DYNC2H1: variants seen among roughly 807,000 people sequenced by gnomAD.
DYNC2H1 encodes cytoplasmic dynein 2 heavy chain 1.
A neutral mutation model predicts 570.0 loss-of-function variants in DYNC2H1; 410 were observed. The ratio of observed to expected loss-of-function variants is 0.72; its 90% CI spans 0.66 to 0.78. The LOEUF is 0.78. DYNC2H1 is among the 30% of genes least tolerant of loss of function. The probability of loss-of-function intolerance (pLI) is 0.00; values close to 1 mark genes in which losing one functional copy is unlikely to be tolerated. For missense variants in DYNC2H1, 4,865 were observed against 5,046.4 expected (o/e 0.96, Z 1.09); for synonymous variants, 1,688 against 1,677.6 (o/e 1.01, Z -0.15).
Position 103,399,724 on chromosome 11 carries a change from T to C in DYNC2H1, c.12218T>C (p.Leu4073Pro), listed in dbSNP as rs537499583. 83 of 1,613,908 alleles carry C rather than the reference T, an allele frequency of 5.1e-5. 1 individual carries two copies. The South Asian group carries it at 8.5e-4, about 16-fold the overall frequency. ...PPNDRQGSPI[L>P]SFIILEQFNA... ...AACGATCGACAAGGATCTCCAATAC[T>C]GTCATTCATCATTCTTGAACAATTT... Residue 4073 changes from leucine (L) to proline (P), a missense_variant, in exon 84 of 89, where the codon CTG (leucine) becomes CCG (proline). Coordinates refer to ENST00000375735, the MANE Select transcript of DYNC2H1 (RefSeq NM_001377.3).
chr11:103,149,335 T>G (rs1363770678), intron 20 of DYNC2H1, among the ~76,000 whole-genome samples: 1 of 152,086 alleles, frequency 6.6e-6, no homozygotes, highest in East Asian at 1.9e-4. Flanking sequence ...ATGGTAAAGA[T>G]TCATAAAAAA....
At chr11:103,304,084 C>A (rs1485668938) in intron 76 of DYNC2H1, among the ~76,000 whole-genome samples, 2 of 151,610 alleles carry the variant, frequency 1.3e-5, no homozygotes, top group African/African-American at 4.9e-5. Flanking sequence ...TTAATTCACC[C>A]TCAATTTTTA....
chr11:103,286,070 G>T (rs1054033651), intron 73 of DYNC2H1, among the ~76,000 whole-genome samples, 185 bp from the exon 74 acceptor site: 1 of 152,110 alleles, frequency 6.6e-6, no homozygotes, highest in African/African-American at 2.4e-5. Flanking sequence ...TTTAATTCTG[G>T]CTTTAATATT....
rs7949362 is a variant in DYNC2H1, at chr11:103,166,104, A to T, written c.4762+56A>T. The T allele has an allele frequency of 3.6e-6, 5 of 1,406,562 alleles. No individual in the cohort carries two copies. The African/African-American group carries it at 7.3e-5, about 21-fold the overall frequency. 87.1% of individuals were successfully genotyped at this position (1,406,562 alleles called of 1,614,324 possible). A position where few individuals can be genotyped will look rare whatever the true frequency, so the allele number is the denominator to read the frequency against. ...GTTTTGGGTTATTTTTTGGTATTCT[A>T]TCCTAATTTACCTATTGTGTTTTTG... On this transcript the variant is annotated intron_variant, in intron 31 of 88. Transcript: ENST00000375735.
chr11:103,188,655 A>G lies in DYNC2H1; in HGVS notation c.7292+7A>G. 1 of 1,521,320 alleles carries G rather than the reference A, an allele frequency of 6.6e-7. No individual in the cohort carries two copies. The highest frequency in any genetic ancestry group is 1.4e-5 in the South Asian group (1 of 69,332). 94.2% of individuals were successfully genotyped at this position (1,521,320 alleles called of 1,614,324 possible). On this transcript the variant is annotated splice_region_variant and intron_variant, in intron 44 of 88. Coordinates refer to ENST00000375735, the MANE Select transcript of DYNC2H1 (RefSeq NM_001377.3). ...TTCGTCTTTGTTCTATAGAGTATGTATCTTTGTGTTTCAGATTTTTTAATT... is the reference window on the plus strand; with the variant it reads ...TTCGTCTTTGTTCTATAGAGTATGTGTCTTTGTGTTTCAGATTTTTTAATT...
chr11:103,150,739 G>C (rs1197868736), intron 20 of DYNC2H1, among the ~76,000 whole-genome samples: 1 of 152,162 alleles, frequency 6.6e-6, no homozygotes, highest in Admixed American at 6.6e-5. Flanking sequence ...GCAAAATTTA[G>C]ACTTCAAGCA....
chr11:103,373,039 G>A (rs1235338306), intron 83 of DYNC2H1, among the ~76,000 whole-genome samples: 1 of 152,084 alleles, frequency 6.6e-6, no homozygotes, highest in Non-Finnish European at 1.5e-5. Context: ...GACTTCCTGG[G>A]CTCAGGCAAT....
intron 1 of DYNC2H1, among the ~76,000 whole-genome samples, chr11:103,111,286 A>G (rs1283840917): frequency 6.6e-6 from 1 of 152,254 alleles, no homozygotes; most frequent in Non-Finnish European, 1.5e-5. Flanking sequence ...AAGGATGGAT[A>G]ATCATAGCTA....
intron 36 of DYNC2H1, among the ~76,000 whole-genome samples, chr11:103,175,304 A>G (rs552890892): frequency 8.5e-5 from 13 of 152,286 alleles, no homozygotes; most frequent in Admixed American, 7.8e-4. Flanking sequence ...TGGCATCTAC[A>G]TTAGCTGTAT....
At chr11:103,183,597 T>G (rs1268932807) in intron 40 of DYNC2H1, among the ~76,000 whole-genome samples, 1 of 151,942 alleles carries the variant, frequency 6.6e-6, no homozygotes, top group African/African-American at 2.4e-5. Flanking sequence ...AATGCTGAAA[T>G]TGTATTTATA....
At chr11:103,372,741 A>C (rs886809801) in intron 83 of DYNC2H1, among the ~76,000 whole-genome samples, 8 of 152,110 alleles carry the variant, frequency 5.3e-5, no homozygotes, top group Non-Finnish European at 1.2e-4. Context: ...TGGAATCACA[A>C]TCATGCTGGC....
intron 79 of DYNC2H1, among the ~76,000 whole-genome samples, chr11:103,312,255 C>T (rs1378935937): frequency 1.3e-5 from 2 of 151,850 alleles, no homozygotes; most frequent in African/African-American, 4.8e-5. Flanking sequence ...TGGCGCATGC[C>T]TATAAGCCCA....
intron 82 of DYNC2H1, among the ~76,000 whole-genome samples, chr11:103,343,576 A>G (rs965032606): frequency 1.3e-5 from 2 of 152,138 alleles, no homozygotes; most frequent in African/African-American, 4.8e-5. Flanking sequence ...TCCTGAAGCT[A>G]GGATGTGGGG....
intron 54 of DYNC2H1, among the ~76,000 whole-genome samples, chr11:103,213,520 A>G (rs1414363977): frequency 6.6e-6 from 1 of 151,638 alleles, no homozygotes; most frequent in African/African-American, 2.4e-5. Context: ...ATTGATATTT[A>G]TGGGGTACAT....
At chr11:103,117,532 T>G in intron 5 of DYNC2H1, 99 bp from the exon 6 acceptor site, 1 of 1,012,182 alleles carries the variant, frequency 9.9e-7, no homozygotes, top group South Asian at 2.4e-5. Flanking sequence ...AGTTGGCTAA[T>G]TTGTATATTT....
rs935992262 is a variant in DYNC2H1, at chr11:103,179,049, G to A, written c.6163G>A (p.Asp2055Asn). 2 of 1,611,134 alleles carry A rather than the reference G, an allele frequency of 1.2e-6. No homozygotes were observed. Among genetic ancestry groups the A allele is most frequent in the Non-Finnish European group, 1.7e-6 (2 of 1,178,066 alleles). ...AGATGTCAGCTCATGGATAATCTGT[G>A]ATGGTGATATTGACCCTGAATGGAT... ...PQDVSSWIIC[D>N]GDIDPEWIES... Residue 2055 changes from aspartate to asparagine, a missense_variant, in exon 39 of 89, where the codon GAT becomes AAT. Coordinates refer to ENST00000375735, the MANE Select transcript of DYNC2H1 (RefSeq NM_001377.3).
At chr11:103,414,812 A>C (rs894774839) in intron 84 of DYNC2H1, among the ~76,000 whole-genome samples, 19 of 152,328 alleles carry the variant, frequency 1.2e-4, no homozygotes, top group African/African-American at 4.6e-4. Flanking sequence ...ATACCTAAGA[A>C]TACAACTTTC....
rs1491521917 is a variant in DYNC2H1 at position 103,354,176 on chromosome 11, C to CAA, written c.12040-4064_12040-4063dup. ...TGGGTGACAGAGCCAGGCTCTGTCT[C>CAA]AAAACAAAAAAAAAAAAAAAAAAAA... On this transcript the variant is annotated intron_variant, in intron 82 of 88. Transcript: ENST00000375735. Among the ~76,000 whole-genome samples the CAA allele has an allele frequency of 2.2e-3, 114 of 50,764 alleles. 2 individuals carry two copies. Among genetic ancestry groups the CAA allele is most frequent in the East Asian group, 0.015 (28 of 1,846 alleles). 33.3% of individuals were successfully genotyped at this position (50,764 alleles called of 152,430 possible). A position where few individuals can be genotyped will look rare whatever the true frequency, so the allele number is the denominator to read the frequency against.
intron 84 of DYNC2H1, chr11:103,407,941 T>C (rs1709164): frequency 0.6 from 91,425 of 151,756 alleles, 29,482 homozygotes; most frequent in African/African-American, 0.85. Context: ...AGGATAATGG[T>C]TAGGGTGACT....
Sources: gnomAD v4.1 joint callset for allele counts (sites outside exome capture counted in the v4.1 genomes callset) on GRCh38, gnomAD v4.1.1 for gene constraint, MANE v1.5 for transcripts, NCBI Gene and HGNC (gene_info 2026-07-23, HGNC 2026-07-21) for gene names.